Variants in GRIK3 observed in about 807,000 individuals in gnomAD.
The protein encoded by GRIK3 is glutamate ionotropic receptor kainate type subunit 3, also known as glutamate receptor ionotropic, kainate 3.
Under a neutral mutation model 102.5 loss-of-function variants are expected in GRIK3, and 29 were observed. The observed-to-expected ratio is 0.28, with a 90% confidence interval of 0.21 to 0.39. The LOEUF (loss-of-function observed/expected upper bound fraction) is 0.39, where lower values mean the gene tolerates loss of function less well. GRIK3 is among the 10% of genes least tolerant of loss of function. GRIK3 has a pLI of 1.00. For synonymous variants in GRIK3, 511 were observed against 504.9 expected (o/e 1.01, Z -0.16); for missense variants, 908 against 1,252.4 (o/e 0.73, Z 4.15).
chr1:36,885,081 G>T (rs555142959), intron 2 of GRIK3, among the ~76,000 whole-genome samples: 2 of 152,378 alleles, frequency 1.3e-5, no homozygotes, highest in Admixed American at 1.3e-4. Context: ...TTGTGAGGCT[G>T]CCAATGATGA....
chr1:36,930,171 T>TA (rs1174597389), intron 1 of GRIK3, among the ~76,000 whole-genome samples: 40 of 152,320 alleles, frequency 2.6e-4, no homozygotes, highest in African/African-American at 9.1e-4. Context: ...GAAGAGGAAT[T>TA]ATAAGGACAC....
chr1:36,850,213 A>G lies in GRIK3; in HGVS notation c.1326+98T>C, dbSNP rs1640565431. 1 of 754,536 alleles carries G rather than the reference A, an allele frequency of 1.3e-6. No homozygotes were observed. The allele number at this position is 754,536 out of a possible 1,614,324, so 46.7% of individuals were successfully genotyped here. Reference sequence around the variant, plus strand: ...AAGTCTCCACCTACCTGCAGCCTCCATCTTCTGGGTGGGGGGGATAGAGGG... The same window carrying G: ...AAGTCTCCACCTACCTGCAGCCTCCGTCTTCTGGGTGGGGGGGATAGAGGG... On this transcript the variant is annotated intron_variant, in intron 9 of 15. Coordinates refer to ENST00000373091, the MANE Select transcript of GRIK3 (RefSeq NM_000831.4). This position sits in a 1 kb window ranked among gnomAD's most constrained non-coding sequence, Gnocchi z 4.0.
At chr1:36,958,418 C>CTGTGCCCCATGAGTCTG (rs60547130) in intron 1 of GRIK3, among the ~76,000 whole-genome samples, 1 of 56,068 alleles carries the variant, frequency 1.8e-5, no homozygotes, top group African/African-American at 1.2e-4. Flanking sequence ...CCCCGTGAGT[C>CTGTGCCCCATGAGTCTG]TGTGCCCCGT....
rs1418021876 is a variant in GRIK3 at position 36,841,951 on chromosome 1, G to A, written c.1327-12C>T. 2 of 1,610,620 alleles carry A rather than the reference G, an allele frequency of 1.2e-6. No homozygotes were observed. Among genetic ancestry groups the A allele is most frequent in the South Asian group, 2.2e-5 (2 of 91,010 alleles). On this transcript the variant is annotated splice_polypyrimidine_tract_variant and intron_variant, in intron 9 of 15. Transcript: ENST00000373091. ...ACGAAGGGCTCCTCCTGCAGAGACAGATGGGCAGGGTGTGACGAAGACTGA... is the reference window on the plus strand; with the variant it reads ...ACGAAGGGCTCCTCCTGCAGAGACAAATGGGCAGGGTGTGACGAAGACTGA...
rs190791988 is a variant in GRIK3 at position 37,001,371 on chromosome 1, A to T, written c.115+32623T>A. Among the ~76,000 whole-genome samples, 28 of 152,200 alleles carry T rather than the reference A, an allele frequency of 1.8e-4. No individual in the cohort carries two copies. The East Asian group carries it at 5.0e-3, about 27-fold the overall frequency. The stretch of plus-strand genomic sequence containing the variant: ...AAATTTAACAAGTTTATATTCAATA[A>T]CTCCATACATTAGGGAACTTAACTT... On this transcript the variant is annotated intron_variant, in intron 1 of 15. Coordinates refer to ENST00000373091, the MANE Select transcript of GRIK3 (RefSeq NM_000831.4).
chr1:36,846,845 C>T (rs923893513), intron 9 of GRIK3, among the ~76,000 whole-genome samples: 2 of 152,196 alleles, frequency 1.3e-5, no homozygotes, highest in Non-Finnish European at 1.5e-5. Context: ...TGCATGGGAG[C>T]GAGCATCTCT....
intron 5 of GRIK3, among the ~76,000 whole-genome samples, chr1:36,863,373 A>G (rs570673226): frequency 6.6e-6 from 1 of 152,268 alleles, no homozygotes; most frequent in Admixed American, 6.5e-5. Context: ...TCCACACTTC[A>G]AATACTTCCA....
intron 1 of GRIK3, among the ~76,000 whole-genome samples, chr1:36,958,418 C>CTGTGCCCCGTGAGCCTG (rs1641952322): frequency 1.8e-5 from 1 of 56,068 alleles, no homozygotes; most frequent in Admixed American, 2.2e-4. Context: ...CCCCGTGAGT[C>CTGTGCCCCGTGAGCCTG]TGTGCCCCGT....
chr1:37,016,028 G>A (rs1642649680), intron 1 of GRIK3, among the ~76,000 whole-genome samples: 1 of 152,238 alleles, frequency 6.6e-6, no homozygotes, highest in Admixed American at 6.5e-5. Flanking sequence ...TGCCACCCAA[G>A]AGACACACAG....
At position 36,799,773 on chromosome 1, in the gene GRIK3, T is replaced by C. The variant is rs1642419612; in HGVS notation, c.*2078A>G. The C allele has an allele frequency of 6.6e-6, 1 of 152,116 alleles. No individual in the cohort carries two copies. Among genetic ancestry groups the C allele is most frequent in the Non-Finnish European group, 1.5e-5 (1 of 68,026 alleles). The allele number at this position is 152,116 out of a possible 1,614,324, so 9.4% of individuals were successfully genotyped here. A position where few individuals can be genotyped will look rare whatever the true frequency, so the allele number is the denominator to read the frequency against. ...CGTCCCCAATTCACTCAGATACACA[T>C]ACGCACGCATATGCACACATCAGAT... is the stretch of plus-strand genomic sequence containing the variant. On this transcript the variant is annotated 3_prime_UTR_variant, in exon 16 of 16. Coordinates refer to ENST00000373091, the MANE Select transcript of GRIK3 (RefSeq NM_000831.4).
At chr1:36,835,030 C>T (rs1640356170) in intron 10 of GRIK3, among the ~76,000 whole-genome samples, 2 of 152,258 alleles carry the variant, frequency 1.3e-5, no homozygotes, top group African/African-American at 4.8e-5. Context: ...CCCGTTGCAG[C>T]ACTGATCAAA....
chr1:36,952,507 G>T (rs1641857092), intron 1 of GRIK3, among the ~76,000 whole-genome samples: 4 of 152,194 alleles, frequency 2.6e-5, no homozygotes, highest in Admixed American at 2.6e-4. Flanking sequence ...TCACTTCTCT[G>T]GTCCTCAGTT....
At chr1:36,861,977 C>T (rs1171407375) in intron 5 of GRIK3, among the ~76,000 whole-genome samples, 1 of 152,118 alleles carries the variant, frequency 6.6e-6, no homozygotes, top group Non-Finnish European at 1.5e-5. Flanking sequence ...ACAAGGACTC[C>T]ATGGCTTCAT....
chr1:36,939,613 T>C (rs1641698252), intron 1 of GRIK3, among the ~76,000 whole-genome samples: 1 of 152,266 alleles, frequency 6.6e-6, no homozygotes, highest in East Asian at 1.9e-4. Context: ...ATAATGCTTT[T>C]TGATTTAACT....
chr1:36,802,129 C>T, intron 15 of GRIK3, 84 bp from the exon 16 acceptor site: 2 of 957,244 alleles, frequency 2.1e-6, no homozygotes, highest in Non-Finnish European at 3.1e-6. Flanking sequence ...CCTCCCCTTT[C>T]TCCCAGAGTC....
At chr1:36,931,550 T>C (rs538043342) in intron 1 of GRIK3, among the ~76,000 whole-genome samples, 82 of 152,362 alleles carry the variant, frequency 5.4e-4, no homozygotes, top group Non-Finnish European at 9.1e-4. Context: ...CATGAGGATA[T>C]GGACAATGAC....
intron 1 of GRIK3, among the ~76,000 whole-genome samples, chr1:36,966,264 A>T (rs1225823850): frequency 1.3e-5 from 2 of 152,212 alleles, no homozygotes; most frequent in Admixed American, 1.3e-4. Context: ...CAGATTTGTG[A>T]TGTCTCAAGC....
chr1:36,805,999 T>A, intron 14 of GRIK3, 105 bp downstream of exon 14: 5 of 529,512 alleles, frequency 9.4e-6, no homozygotes, highest in Admixed American at 3.2e-5. Flanking sequence ...GTCACCTTTA[T>A]CAGCCCCATG....
In GRIK3 at chr1:36,831,368, A is replaced by G. The variant is rs191142330; in HGVS notation, c.1531-5542T>C. ...ACCTCCAGGTCCCTCTGCTGCTTCC[A>G]CAGCTGCCTAAGTAAACCAGCCTCA... On this transcript the variant is annotated intron_variant, in intron 10 of 15. Transcript: ENST00000373091. 3.3e-3 allele frequency among the ~76,000 whole-genome samples: 499 copies of G among 152,262 alleles called. 2 individuals carry two copies. The highest frequency in any genetic ancestry group is 0.011 in the African/African-American group (473 of 41,546).
Sources: allele counts gnomAD v4.1 joint callset (sites outside exome capture counted in the v4.1 genomes callset), GRCh38; gene constraint gnomAD v4.1.1; non-coding constraint Gnocchi (gnomAD v3.1); transcripts MANE v1.5; gene names NCBI Gene and HGNC (gene_info 2026-07-23, HGNC 2026-07-21).